Variants in SIRT5 observed in about 807,000 individuals in gnomAD.
SIRT5 encodes sirtuin 5.
Under a neutral mutation model 40.0 loss-of-function variants are expected in SIRT5, and 26 were observed. The observed-to-expected ratio is 0.65, with a 90% CI of 0.48 to 0.90. SIRT5 has a LOEUF of 0.90. Among genes scored for constraint, SIRT5 ranks in the 40% least tolerant of loss-of-function variants. The probability of loss-of-function intolerance (pLI) is 0.00; values close to 1 mark genes in which losing one functional copy is unlikely to be tolerated. For synonymous variants in SIRT5, 146 were observed against 149.1 expected (o/e 0.98, Z 0.15); for missense variants, 401 against 402.4 (o/e 1.00, Z 0.03).
chr6:13,588,419 G>C lies in SIRT5; in HGVS notation c.204G>C (p.Pro68=). The change falls in exon 4 of 10, where the codon CCG becomes CCC. Residue 68 remains proline, a synonymous_variant. Coordinates refer to ENST00000606117, the MANE Select transcript of SIRT5 (RefSeq NM_012241.5). Reference sequence around the variant, plus strand: ...GTGTTAGTGCAGAAAGTGGTGTTCCGACCTTCAGAGGAGCTGGAGGTTATT... The same window carrying C: ...GTGTTAGTGCAGAAAGTGGTGTTCCCACCTTCAGAGGAGCTGGAGGTTATT... ...GAGVSAESGV[P]TFRGAGGYWR... is the part of the protein sequence containing the mutation. The C allele has an allele frequency of 1.9e-6, 3 of 1,614,158 alleles. No individual in the cohort carries two copies. Among genetic ancestry groups the C allele is most frequent in the Non-Finnish European group, 2.5e-6 (3 of 1,180,018 alleles).
intron 9 of SIRT5, among the ~76,000 whole-genome samples, chr6:13,611,067 T>C (rs1244730210): frequency 6.6e-6 from 1 of 151,748 alleles, no homozygotes; most frequent in Non-Finnish European, 1.5e-5. Flanking sequence ...CCTCAGAAGC[T>C]AGTCAGAAAG....
intron 8 of SIRT5, 119 bp from the exon 9 acceptor site, chr6:13,600,715 T>C: frequency 1.5e-6 from 1 of 672,590 alleles, no homozygotes; most frequent in South Asian, 1.9e-5. Context: ...CCCATCCTGT[T>C]TGGCTTTTCT....
chr6:13,585,547 C>T (rs1324759570), intron 3 of SIRT5, among the ~76,000 whole-genome samples: 1 of 152,162 alleles, frequency 6.6e-6, no homozygotes, highest in Non-Finnish European at 1.5e-5. Context: ...CCAGCATCAT[C>T]CATGTCCCTG....
intron 9 of SIRT5, among the ~76,000 whole-genome samples, chr6:13,603,766 TTGTTAA>T (rs1762727738): frequency 6.6e-6 from 1 of 152,228 alleles, no homozygotes; most frequent in African/African-American, 2.4e-5. Context: ...TCATAGCAAC[TTGTTAA>T]TGGAAAAAGT....
intron 3 of SIRT5, among the ~76,000 whole-genome samples, chr6:13,585,409 C>A (rs927599080): frequency 6.6e-6 from 1 of 150,382 alleles, no homozygotes; most frequent in Non-Finnish European, 1.5e-5. Flanking sequence ...CACCCCCCGA[C>A]AGGCCCCAGT....
chr6:13,593,732 T>C (rs1235595133), intron 5 of SIRT5, among the ~76,000 whole-genome samples: 1 of 152,228 alleles, frequency 6.6e-6, no homozygotes, highest in Non-Finnish European at 1.5e-5. Flanking sequence ...TATTTTATTA[T>C]CCCTTAGAAT....
At chr6:13,593,363 G>A (rs1761178547) in intron 5 of SIRT5, among the ~76,000 whole-genome samples, 1 of 152,120 alleles carries the variant, frequency 6.6e-6, no homozygotes, top group Non-Finnish European at 1.5e-5. Context: ...TCTGTCTTTT[G>A]TTCATCAGGA....
At chr6:13,586,206 C>T (rs1329246153) in intron 3 of SIRT5, among the ~76,000 whole-genome samples, 6 of 152,070 alleles carry the variant, frequency 3.9e-5, no homozygotes, top group Non-Finnish European at 5.9e-5. Flanking sequence ...CTGTTTACTC[C>T]GATGATAGTT....
intron 1 of SIRT5, among the ~76,000 whole-genome samples, chr6:13,578,977 C>T (rs141125930): frequency 1.3e-5 from 2 of 152,254 alleles, no homozygotes; most frequent in East Asian, 3.9e-4. Context: ...CTTTTCCCAC[C>T]TGGAAGATAA....
At chr6:13,608,323 T>G (rs749991335) in intron 9 of SIRT5, among the ~76,000 whole-genome samples, 1 of 152,234 alleles carries the variant, frequency 6.6e-6, no homozygotes, top group Non-Finnish European at 1.5e-5. Flanking sequence ...CAATGGCTTA[T>G]GCCTGTAATC....
At chr6:13,591,031 T>C (rs1363835186) in intron 4 of SIRT5, among the ~76,000 whole-genome samples, 2 of 151,546 alleles carry the variant, frequency 1.3e-5, no homozygotes, top group Non-Finnish European at 2.9e-5. Flanking sequence ...GTGTGTATCT[T>C]TAGTGTGTGT....
At chr6:13,597,067 A>G (rs1297754772) in intron 7 of SIRT5, 51 bp downstream of exon 7, 1 of 1,414,786 alleles carries the variant, frequency 7.1e-7, no homozygotes, top group South Asian at 1.2e-5. Context: ...CCAAAACAAA[A>G]AAAAAAACAG....
At chr6:13,605,329 C>T in intron 9 of SIRT5, 1 of 900,420 alleles carries the variant, frequency 1.1e-6, no homozygotes, top group Non-Finnish European at 1.3e-6. Flanking sequence ...CAGAGACTGG[C>T]TGGTCTGCAA....
At chr6:13,590,008 C>T (rs555496829) in intron 4 of SIRT5, among the ~76,000 whole-genome samples, 6 of 152,260 alleles carry the variant, frequency 3.9e-5, no homozygotes, top group South Asian at 2.1e-4. Context: ...CAACCTCTCA[C>T]GTGGCAAAGG....
chr6:13,575,336 C>T (rs1332087644), intron 1 of SIRT5, among the ~76,000 whole-genome samples: 1 of 151,988 alleles, frequency 6.6e-6, no homozygotes, highest in African/African-American at 2.4e-5. Flanking sequence ...CGGGTATCAA[C>T]AAATAGGAGG....
chr6:13,610,782 C>T (rs369177904), intron 9 of SIRT5, among the ~76,000 whole-genome samples: 3 of 152,194 alleles, frequency 2.0e-5, no homozygotes, highest in Admixed American at 6.5e-5. Flanking sequence ...CTGGAGATGC[C>T]GTGTAGTCTG....
intron 3 of SIRT5, among the ~76,000 whole-genome samples, chr6:13,586,209 T>G (rs1760063570): frequency 6.6e-6 from 1 of 152,252 alleles, no homozygotes; most frequent in Middle Eastern, 3.2e-3. Flanking sequence ...TTTACTCCGA[T>G]GATAGTTTCT....
At chr6:13,589,918 C>G (rs1034889080) in intron 4 of SIRT5, among the ~76,000 whole-genome samples, 1 of 152,144 alleles carries the variant, frequency 6.6e-6, no homozygotes, top group Non-Finnish European at 1.5e-5. Context: ...CTTCCAGGGA[C>G]GCCTGTGGAC....
At chr6:13,590,152 G>GAAT (rs990212689) in intron 4 of SIRT5, among the ~76,000 whole-genome samples, 5 of 152,136 alleles carry the variant, frequency 3.3e-5, no homozygotes, top group African/African-American at 1.2e-4. Context: ...AATTTCCTTA[G>GAAT]AATAAAATGC....
Sources: gnomAD v4.1 joint callset for allele counts (sites outside exome capture counted in the v4.1 genomes callset) on GRCh38, gnomAD v4.1.1 for gene constraint, MANE v1.5 for transcripts, NCBI Gene and HGNC (gene_info 2026-07-23, HGNC 2026-07-21) for gene names.